Variants in SIM1 observed in about 807,000 individuals in gnomAD.
SIM1 encodes single-minded homolog 1.
SIM1 carries 18 observed loss-of-function variants against 78.2 expected under a neutral mutation model. The ratio of observed to expected loss-of-function variants is 0.23; its 90% CI spans 0.16 to 0.34. The LOEUF (loss-of-function observed/expected upper bound fraction) is 0.34. SIM1 is among the 10% of genes least tolerant of loss of function. SIM1 has a pLI of 1.00. For synonymous variants in SIM1, 417 were observed against 385.2 expected, an observed-to-expected ratio of 1.08 and a Z score of -0.97; for missense variants, 939 against 975.1, an observed-to-expected ratio of 0.96 and a Z score of 0.49.
chr6:100,409,389 T>C (rs1005543779), intron 10 of SIM1, among the ~76,000 whole-genome samples: 9 of 151,870 alleles, frequency 5.9e-5, no homozygotes, highest in African/African-American at 2.2e-4. Flanking sequence ...CTATAATATT[T>C]CCTCTTCCAT....
chr6:100,457,996 GTCTCTCTCTTTCTCTC>G (rs1562064105), intron 2 of SIM1, among the ~76,000 whole-genome samples: 11 of 107,806 alleles, frequency 1.0e-4, no homozygotes, highest in Admixed American at 2.7e-4. Flanking sequence ...ACCGCTGTCT[GTCTCTCTCTTTCTCTC>G]TCTCTCTCTC....
At chr6:100,429,611 T>C (rs1771849613) in intron 9 of SIM1, among the ~76,000 whole-genome samples, 1 of 152,188 alleles carries the variant, frequency 6.6e-6, no homozygotes, top group Admixed American at 6.5e-5. Context: ...TGAGAGATAA[T>C]AAACTAAAAC....
rs900731386 is a variant in SIM1 at position 100,386,250 on chromosome 6, T to G, written c.*4111A>C. 6.6e-6 allele frequency: 1 copy of G among 152,168 alleles called. No individual in the cohort carries two copies. Among genetic ancestry groups the G allele is most frequent in the East Asian group, 1.9e-4 (1 of 5,180 alleles). 9.4% of individuals were successfully genotyped at this position (152,168 alleles called of 1,614,324 possible). On this transcript the variant is annotated 3_prime_UTR_variant, in exon 12 of 12. Transcript: ENST00000369208. ...TTATATCAGAAAGACTGTGTTTGAT[T>G]GTATTAAAGTGTAAGCTATTCCACT...
At chr6:100,453,901 G>A (rs1772580593) in intron 2 of SIM1, 57 bp from the exon 3 acceptor site, 2 of 1,372,380 alleles carry the variant, frequency 1.5e-6, no homozygotes, top group East Asian at 2.4e-5. Context: ...CAGGCAGTTT[G>A]GGACCAAGTC....
chr6:100,396,615 C>T (rs1770775832), intron 10 of SIM1, among the ~76,000 whole-genome samples: 1 of 152,134 alleles, frequency 6.6e-6, no homozygotes, highest in Non-Finnish European at 1.5e-5. Context: ...TCCAAGACCT[C>T]ACACTGCTTA....
At chr6:100,430,796 T>C (rs1004474582) in intron 9 of SIM1, among the ~76,000 whole-genome samples, 1 of 152,176 alleles carries the variant, frequency 6.6e-6, no homozygotes, top group Non-Finnish European at 1.5e-5. Flanking sequence ...AGCTTTCCTA[T>C]CTAGTTCTTA....
At chr6:100,437,052 T>A (rs1210982850) in intron 9 of SIM1, among the ~76,000 whole-genome samples, 2 of 152,076 alleles carry the variant, frequency 1.3e-5, no homozygotes, top group African/African-American at 2.4e-5. Flanking sequence ...ACAGATTTTT[T>A]AAAAATAGAG....
Position 100,393,491 on chromosome 6 carries a change from G to T in SIM1, c.1566C>A (p.Ile522=). 1.3e-6 allele frequency: 2 copies of T among 1,525,738 alleles called. No individual in the cohort carries two copies. The highest frequency in any genetic ancestry group is 8.8e-7 in the Non-Finnish European group (1 of 1,133,976). The allele number at this position is 1,525,738 out of a possible 1,614,324, so 94.5% of individuals were successfully genotyped here. ...AACCCTTTCACCTGCTCTTACCATG[G>T]ATCCTGTGGACTGAAGCGATGTGAG... ...SMPHIASVHR[I]HGRGHWDEDS... The change falls in exon 11 of 12, where the codon ATC becomes ATA. Residue 522 remains isoleucine (I), a synonymous_variant. Transcript: ENST00000369208.
intron 2 of SIM1, among the ~76,000 whole-genome samples, chr6:100,454,389 G>T (rs1173679846): frequency 6.6e-6 from 1 of 152,090 alleles, no homozygotes; most frequent in Non-Finnish European, 1.5e-5. Context: ...AATCGCCTTC[G>T]GAAAAATTAG....
chr6:100,455,451 T>C (rs1395872251), intron 2 of SIM1, among the ~76,000 whole-genome samples: 1 of 152,188 alleles, frequency 6.6e-6, no homozygotes, highest in Non-Finnish European at 1.5e-5. Flanking sequence ...TTATCACATT[T>C]ATCGCTCTTC....
chr6:100,403,082 A>T (rs542296848), intron 10 of SIM1, among the ~76,000 whole-genome samples: 2 of 152,238 alleles, frequency 1.3e-5, no homozygotes, highest in African/African-American at 2.4e-5. Flanking sequence ...TTCTTAGAAA[A>T]TTTTTTGTCA....
chr6:100,462,734 G>A (rs1304128063), intron 2 of SIM1: 1 of 152,206 alleles, frequency 6.6e-6, no homozygotes, highest in Non-Finnish European at 1.5e-5. Context: ...CGAATGTCTT[G>A]AAAACTCGGA....
chr6:100,463,502 A>C lies in SIM1; in HGVS notation c.-34T>G. ...GTTCCCCCTTTCTTCTCACAACTTA[A>C]GCTCCGCAGATTCATCCAAAACCAA... On this transcript the variant is annotated 5_prime_UTR_variant, in exon 2 of 12. Transcript: ENST00000369208. 1 of 1,571,250 alleles carries C rather than the reference A, an allele frequency of 6.4e-7. No homozygotes were observed. Among genetic ancestry groups the C allele is most frequent in the Non-Finnish European group, 8.7e-7 (1 of 1,149,776 alleles).
At position 100,390,442 on chromosome 6, in the gene SIM1, A is replaced by G; in HGVS notation, c.2220T>C (p.Asp740=). 1.2e-6 allele frequency: 2 copies of G among 1,614,160 alleles called. No individual in the cohort carries two copies. Among genetic ancestry groups the G allele is most frequent in the Non-Finnish European group, 1.7e-6 (2 of 1,180,026 alleles). ...GTTGCATCCTCAGATGGGAAGTTAC[A>G]TCAAAGTGTGAGCCATTACAGCCCA... ...YSLGCNGSHF[D]VTSHLRMQPD... The change falls in exon 12 of 12, where the codon GAT becomes GAC. Residue 740 remains aspartate, a synonymous_variant. Coordinates refer to ENST00000369208, the MANE Select transcript of SIM1 (RefSeq NM_005068.3).
At chr6:100,453,669 T>G (rs1406589926) in intron 3 of SIM1, 93 bp downstream of exon 3, 1 of 956,954 alleles carries the variant, frequency 1.0e-6, no homozygotes, top group African/African-American at 1.7e-5. Flanking sequence ...GTTTTTTTTT[T>G]GTTTTTGTTT....
At chr6:100,448,088 C>G in intron 8 of SIM1, 58 bp downstream of exon 8, 5 of 1,390,954 alleles carry the variant, frequency 3.6e-6, no homozygotes, top group Non-Finnish European at 5.0e-6. Flanking sequence ...GGCTCCCCCA[C>G]CCCCTAACCA....
rs1770605264 is a variant in SIM1, at chr6:100,390,374, GTTA to G, written c.2285_2287del (p.Ile762del). The G allele has an allele frequency of 6.2e-7, 1 of 1,612,020 alleles. No homozygotes were observed. The highest frequency in any genetic ancestry group is 1.3e-5 in the African/African-American group (1 of 74,948). ...TTCAGCAAAACATCAGCTTCCGTTG[GTTA>G]TTATAACAGATGTTCCCTTGTGTCC... On this transcript the variant is annotated inframe_deletion, in exon 12 of 12. Transcript: ENST00000369208.
chr6:100,435,011 C>A (rs1190614462), intron 9 of SIM1, among the ~76,000 whole-genome samples: 1 of 152,088 alleles, frequency 6.6e-6, no homozygotes, highest in Non-Finnish European at 1.5e-5. Flanking sequence ...ATTAAATGTT[C>A]TAAATAAAAT....
At chr6:100,411,868 G>A (rs1353825442) in intron 10 of SIM1, among the ~76,000 whole-genome samples, 1 of 152,014 alleles carries the variant, frequency 6.6e-6, no homozygotes, top group Non-Finnish European at 1.5e-5. Context: ...TGAAAAATAG[G>A]GGCAATGCAT....
Sources: allele counts gnomAD v4.1 joint callset (sites outside exome capture counted in the v4.1 genomes callset), GRCh38; gene constraint gnomAD v4.1.1; transcripts MANE v1.5; gene names NCBI Gene and HGNC (gene_info 2026-07-23, HGNC 2026-07-21).